FBRSL1: variants seen among roughly 807,000 people sequenced by gnomAD.
FBRSL1 encodes the protein fibrosin-1-like protein.
FBRSL1 carries 51 observed loss-of-function variants against 89.6 expected under a neutral mutation model. The observed-to-expected ratio is 0.57, with a 90% CI of 0.45 to 0.72. The LOEUF is 0.72. Ranked by LOEUF, FBRSL1 falls within the 30% of genes least tolerant of loss-of-function variation. The probability of loss-of-function intolerance (pLI) is 0.00; values close to 1 mark genes in which losing one functional copy is unlikely to be tolerated. For missense variants in FBRSL1, 1,618 were observed against 1,451.8 expected (o/e 1.11, Z -1.86); for synonymous variants, 779 against 681.1 (o/e 1.14, Z -2.24).
At chr12:132,582,354 G>T (rs1218837854) in intron 18 of FBRSL1, 88 bp downstream of exon 18, 6 of 1,029,430 alleles carry the variant, frequency 5.8e-6, no homozygotes, top group African/African-American at 3.3e-5. Flanking sequence ...CCCCTCCCCC[G>T]TTCCCTCTTC....
At chr12:132,556,216 T>G (rs895073194) in intron 5 of FBRSL1, among the ~76,000 whole-genome samples, 2 of 152,160 alleles carry the variant, frequency 1.3e-5, no homozygotes, top group African/African-American at 2.4e-5. Flanking sequence ...AACACACGCT[T>G]CTCCGGGCTC....
Position 132,581,095 on chromosome 12 carries a change from G to A in FBRSL1, c.1835-344G>A, listed in dbSNP as rs187463456. 6.5e-5 allele frequency: 64 copies of A among 985,464 alleles called. No individual in the cohort carries two copies. The Middle Eastern group carries it at 2.1e-3, about 32-fold the overall frequency. 61.0% of individuals were successfully genotyped at this position (985,464 alleles called of 1,614,324 possible). A position where few individuals can be genotyped will look rare whatever the true frequency, so the allele number is the denominator to read the frequency against. On this transcript the variant is annotated intron_variant, in intron 15 of 18. Coordinates refer to ENST00000680143, the MANE Select transcript of FBRSL1 (RefSeq NM_001367871.1). ...CCCAGGTGAAAGCTCTGAGATAAAG[G>A]CTTCAGGAGTGGTCCGATCAAGGTG...
At chr12:132,501,778 G>A (rs183644187) in intron 1 of FBRSL1, among the ~76,000 whole-genome samples, 5 of 152,260 alleles carry the variant, frequency 3.3e-5, no homozygotes, top group African/African-American at 4.8e-5. Context: ...ACACAGCAGG[G>A]CCCAGCATGC....
At chr12:132,515,257 A>G (rs993803061) in intron 2 of FBRSL1, among the ~76,000 whole-genome samples, 3 of 152,102 alleles carry the variant, frequency 2.0e-5, no homozygotes, top group Admixed American at 2.0e-4. Context: ...TCCCCATTTC[A>G]GTGGGTGAAC....
chr12:132,543,701 C>T (rs997480909), intron 4 of FBRSL1, among the ~76,000 whole-genome samples: 10 of 152,342 alleles, frequency 6.6e-5, no homozygotes, highest in African/African-American at 2.4e-4. Context: ...GGGAAGGCCG[C>T]TAATGGAGCC....
At chr12:132,512,916 C>T (rs1317281675) in intron 2 of FBRSL1, among the ~76,000 whole-genome samples, 3 of 152,230 alleles carry the variant, frequency 2.0e-5, no homozygotes, top group African/African-American at 4.8e-5. Context: ...CTGCAGCCTC[C>T]AGCTCGAACC....
intron 1 of FBRSL1, among the ~76,000 whole-genome samples, chr12:132,492,814 C>A (rs996983046): frequency 5.3e-5 from 8 of 152,254 alleles, no homozygotes; most frequent in African/African-American, 1.9e-4. Flanking sequence ...CCTTCGGAGC[C>A]TGCCTGGGAA....
rs1265663720 is a variant in FBRSL1 at position 132,584,687 on chromosome 12, T to G, written c.*909T>G. ...GAACAGCACTCCTGGGCGGCTCCTG[T>G]GGGCTTCAGGACTGGCCGGCTCCAG... On this transcript the variant is annotated 3_prime_UTR_variant, in exon 19 of 19. Coordinates refer to ENST00000680143, the MANE Select transcript of FBRSL1 (RefSeq NM_001367871.1). 2 of 152,306 alleles carry G rather than the reference T, an allele frequency of 1.3e-5. No individual in the cohort carries two copies. Among genetic ancestry groups the G allele is most frequent in the Non-Finnish European group, 2.9e-5 (2 of 68,164 alleles). The allele number at this position is 152,306 out of a possible 1,614,324, so 9.4% of individuals were successfully genotyped here.
chr12:132,580,961 G>A, intron 15 of FBRSL1: 1 of 985,468 alleles, frequency 1.0e-6, no homozygotes, highest in Non-Finnish European at 1.2e-6. Flanking sequence ...CTGGGCCTGT[G>A]CCCAGGAATG....
At chr12:132,508,981 G>A (rs991004905) in intron 2 of FBRSL1, among the ~76,000 whole-genome samples, 5 of 152,190 alleles carry the variant, frequency 3.3e-5, no homozygotes, top group African/African-American at 4.8e-5. Flanking sequence ...CTTCCTCCGC[G>A]GGGGTCCGCT....
chr12:132,541,063 G>C (rs2037220139), intron 4 of FBRSL1, among the ~76,000 whole-genome samples: 1 of 150,444 alleles, frequency 6.6e-6, no homozygotes, highest in African/African-American at 2.5e-5. Flanking sequence ...CTACCCCGAG[G>C]CACGTCAGGT....
chr12:132,508,427 A>G, intron 2 of FBRSL1, 77 bp downstream of exon 2: 1 of 1,348,692 alleles, frequency 7.4e-7, no homozygotes. Flanking sequence ...CAGCACCTGG[A>G]CACCACGCCA....
At chr12:132,561,669 A>G (rs1192202596) in intron 5 of FBRSL1, among the ~76,000 whole-genome samples, 1 of 152,100 alleles carries the variant, frequency 6.6e-6, no homozygotes, top group Non-Finnish European at 1.5e-5. Context: ...GGGGCAGTTA[A>G]CAGGTGGGCC....
In FBRSL1 at chr12:132,499,952, C is replaced by T. The variant is rs2032695985; in HGVS notation, c.292-8201C>T. On this transcript the variant is annotated intron_variant, in intron 1 of 18. Transcript: ENST00000680143. The surrounding 1 kb of genome is among the most constrained non-coding windows in gnomAD (Gnocchi z 4.3). ...ATGGGGTTCCCCAGAGCTGTGCTGG[C>T]GTCAGGGAGGAGGCTGGGTGGGCTA... Among the ~76,000 whole-genome samples, 1 of 152,024 alleles carries T rather than the reference C, an allele frequency of 6.6e-6. No individual in the cohort carries two copies. The highest frequency in any genetic ancestry group is 2.4e-5 in the African/African-American group (1 of 41,374).
intron 4 of FBRSL1, among the ~76,000 whole-genome samples, chr12:132,545,023 A>T (rs2037567559): frequency 6.6e-6 from 1 of 152,234 alleles, no homozygotes. Flanking sequence ...TCCTATTTAC[A>T]GAAGCACAAA....
At chr12:132,582,885 C>G (rs974929483) in intron 18 of FBRSL1, 86 bp from the exon 19 acceptor site, 1 of 1,159,296 alleles carries the variant, frequency 8.6e-7, no homozygotes, top group African/African-American at 1.6e-5. Flanking sequence ...ACTGGAGGCC[C>G]CGACAAGCAA....
chr12:132,581,204 C>G (rs1337333107), intron 15 of FBRSL1: 1 of 985,286 alleles, frequency 1.0e-6, no homozygotes, highest in Non-Finnish European at 1.2e-6. Flanking sequence ...CCCTCCCTGC[C>G]CCCCTTGGGG....
chr12:132,557,522 C>T (rs940950902), intron 5 of FBRSL1, among the ~76,000 whole-genome samples: 28 of 152,192 alleles, frequency 1.8e-4, no homozygotes, highest in African/African-American at 6.0e-4. Context: ...TTTTCGGCCC[C>T]GTTGACCCAG....
intron 5 of FBRSL1, among the ~76,000 whole-genome samples, chr12:132,550,151 C>T (rs1486941827): frequency 1.4e-5 from 2 of 140,862 alleles, no homozygotes; most frequent in Non-Finnish European, 3.0e-5. Context: ...CCGTTGGGGC[C>T]GTGTTGGGGC....
Sources: gnomAD v4.1 joint callset for allele counts (sites outside exome capture counted in the v4.1 genomes callset) on GRCh38, gnomAD v4.1.1 for gene constraint, Gnocchi (gnomAD v3.1) non-coding constraint, MANE v1.5 for transcripts, NCBI Gene and HGNC (gene_info 2026-07-23, HGNC 2026-07-21) for gene names.